Variants in MARCHF1 observed in about 807,000 individuals in gnomAD.
The protein encoded by MARCHF1 is E3 ubiquitin-protein ligase MARCHF1.
Under a neutral mutation model 54.2 loss-of-function variants are expected in MARCHF1, and 40 were observed. The ratio of observed to expected loss-of-function variants is 0.74; its 90% CI spans 0.57 to 0.96. The LOEUF is 0.96. Ranked by LOEUF, MARCHF1 falls within the 40% of genes least tolerant of loss-of-function variation. MARCHF1 has a pLI of 0.00. For missense variants in MARCHF1, 586 were observed against 656.5 expected, an observed-to-expected ratio of 0.89 and a Z score of 1.17; for synonymous variants, 236 against 236.3, an observed-to-expected ratio of 1.00 and a Z score of 0.01.
chr4:164,357,171 A>G (rs908848718), intron 1 of MARCHF1, among the ~76,000 whole-genome samples: 1 of 152,114 alleles, frequency 6.6e-6, no homozygotes, highest in Admixed American at 6.5e-5. Flanking sequence ...CAAATGCATT[A>G]TCTTACAATT....
intron 7 of MARCHF1, among the ~76,000 whole-genome samples, chr4:163,596,398 G>A (rs1227994514): frequency 2.0e-5 from 3 of 151,956 alleles, no homozygotes; most frequent in African/African-American, 7.3e-5. Flanking sequence ...AAATTAGCCA[G>A]GCATGGTGGC....
chr4:163,930,008 AT>A (rs1198551086), intron 3 of MARCHF1, among the ~76,000 whole-genome samples: 2 of 134,564 alleles, frequency 1.5e-5, no homozygotes, highest in African/African-American at 5.6e-5. Flanking sequence ...TTATATATAA[AT>A]ATATTATATA....
At chr4:164,014,182 C>T (rs1261859815) in intron 2 of MARCHF1, among the ~76,000 whole-genome samples, 2 of 131,750 alleles carry the variant, frequency 1.5e-5, no homozygotes, top group African/African-American at 6.1e-5. Context: ...CAGAGTGAGA[C>T]TGCATCTCAA....
intron 4 of MARCHF1, among the ~76,000 whole-genome samples, chr4:163,815,121 A>C (rs1388527372): frequency 6.6e-6 from 1 of 152,214 alleles, no homozygotes; most frequent in Non-Finnish European, 1.5e-5. Context: ...TAAATCTTAC[A>C]TAAGCACATT....
At chr4:163,849,314 A>T (rs1224795923) in intron 4 of MARCHF1, among the ~76,000 whole-genome samples, 3 of 151,900 alleles carry the variant, frequency 2.0e-5, no homozygotes, top group Admixed American at 2.0e-4. Context: ...AAATGAGAAT[A>T]TTTGTAAAAC....
chr4:163,632,318 A>G (rs1014545039), intron 5 of MARCHF1, among the ~76,000 whole-genome samples: 5 of 152,322 alleles, frequency 3.3e-5, no homozygotes, highest in Non-Finnish European at 7.4e-5. Context: ...TGATTTCTGC[A>G]TTTCCATCTG....
intron 1 of MARCHF1, among the ~76,000 whole-genome samples, chr4:164,365,438 G>T (rs1253052001): frequency 6.6e-6 from 1 of 151,812 alleles, no homozygotes; most frequent in African/African-American, 2.4e-5. Flanking sequence ...AAAATCGTAA[G>T]GTAACAGAAA....
chr4:164,160,272 C>A (rs1250066375), intron 1 of MARCHF1, among the ~76,000 whole-genome samples: 1 of 152,092 alleles, frequency 6.6e-6, no homozygotes, highest in Non-Finnish European at 1.5e-5. Flanking sequence ...GTGGCATAAT[C>A]TACTACACAC....
intron 3 of MARCHF1, among the ~76,000 whole-genome samples, chr4:163,871,320 G>T (rs952770316): frequency 6.6e-6 from 1 of 152,116 alleles, no homozygotes; most frequent in African/African-American, 2.4e-5. Flanking sequence ...ACATGCTCTG[G>T]CACAGTTAGG....
chr4:164,101,281 T>G (rs1006643757), intron 2 of MARCHF1, among the ~76,000 whole-genome samples: 22 of 151,648 alleles, frequency 1.5e-4, no homozygotes, highest in Non-Finnish European at 3.2e-4. Flanking sequence ...GAGGCCTGCC[T>G]GCCTCTGTAG....
intron 1 of MARCHF1, among the ~76,000 whole-genome samples, chr4:164,259,544 C>CAAAAAAA (rs141030578): frequency 2.0e-3 from 116 of 58,070 alleles, no homozygotes; most frequent in Middle Eastern, 0.016. Context: ...GACCGTGTCT[C>CAAAAAAA]AAAAAAAAAA....
At chr4:164,141,217 T>C (rs1216411268) in intron 1 of MARCHF1, among the ~76,000 whole-genome samples, 2 of 152,218 alleles carry the variant, frequency 1.3e-5, no homozygotes, top group African/African-American at 4.8e-5. Context: ...CCACTACTGA[T>C]ACTTTCTAAG....
chr4:163,707,375 G>A (rs1156931043), intron 4 of MARCHF1, among the ~76,000 whole-genome samples: 3 of 151,798 alleles, frequency 2.0e-5, no homozygotes, highest in Non-Finnish European at 2.9e-5. Context: ...CAACAGTAAG[G>A]AATCAAATAG....
At chr4:164,219,868 A>G (rs1560959464) in intron 1 of MARCHF1, among the ~76,000 whole-genome samples, 1 of 152,100 alleles carries the variant, frequency 6.6e-6, no homozygotes, top group Admixed American at 6.6e-5. Context: ...CTAAGAGAAC[A>G]TACATGTGTT....
At chr4:164,317,428 C>G (rs975803365) in intron 1 of MARCHF1, among the ~76,000 whole-genome samples, 9 of 152,164 alleles carry the variant, frequency 5.9e-5, no homozygotes, top group Admixed American at 2.0e-4. Context: ...ACAGCTGTTC[C>G]TGGAGGACAA....
intron 5 of MARCHF1, among the ~76,000 whole-genome samples, chr4:163,643,564 G>C (rs1742642039): frequency 6.6e-6 from 1 of 151,944 alleles, no homozygotes; most frequent in Non-Finnish European, 1.5e-5. Flanking sequence ...TTAACATTTT[G>C]TTTTTCTCCT....
At chr4:164,344,470 G>GTGTGTA (rs1195433101) in intron 1 of MARCHF1, among the ~76,000 whole-genome samples, 1 of 151,950 alleles carries the variant, frequency 6.6e-6, no homozygotes, top group Non-Finnish European at 1.5e-5. Flanking sequence ...GTGTGTGTGT[G>GTGTGTA]TGTGTGTGTG....
intron 7 of MARCHF1, among the ~76,000 whole-genome samples, chr4:163,596,571 C>G (rs1024302652): frequency 5.7e-5 from 8 of 139,236 alleles, no homozygotes; most frequent in African/African-American, 2.1e-4. Flanking sequence ...AAAGAATCAT[C>G]TATTTACAGA....
At chr4:164,316,634 C>T (rs1473627440) in intron 1 of MARCHF1, among the ~76,000 whole-genome samples, 2 of 152,086 alleles carry the variant, frequency 1.3e-5, no homozygotes, top group East Asian at 3.8e-4. Flanking sequence ...TTTAAGAGAA[C>T]CAAAGAATAT....
Sources: gnomAD v4.1 joint callset for allele counts (sites outside exome capture counted in the v4.1 genomes callset) on GRCh38, gnomAD v4.1.1 for gene constraint, MANE v1.5 for transcripts, NCBI Gene and HGNC (gene_info 2026-07-23, HGNC 2026-07-21) for gene names.